The following PTPN9 variants were observed in gnomAD, a reference collection of about 807,000 sequenced individuals.
PTPN9 encodes the protein tyrosine-protein phosphatase non-receptor type 9.
PTPN9 carries 26 observed loss-of-function variants against 69.8 expected under a neutral mutation model. The ratio of observed to expected loss-of-function variants is 0.37; its 90% CI spans 0.27 to 0.52. The LOEUF (loss-of-function observed/expected upper bound fraction) is 0.52, where lower values mean the gene tolerates loss of function less well. Ranked by LOEUF, PTPN9 falls within the 20% of genes least tolerant of loss-of-function variation. The probability of loss-of-function intolerance (pLI) is 0.91; values close to 1 mark genes in which losing one functional copy is unlikely to be tolerated. For synonymous variants in PTPN9, 274 were observed against 272.5 expected (o/e 1.01, Z -0.05); for missense variants, 549 against 740.3 (o/e 0.74, Z 3.00).
At chr15:75,520,688 G>C (rs1196427363) in intron 4 of PTPN9, among the ~76,000 whole-genome samples, 4 of 151,802 alleles carry the variant, frequency 2.6e-5, no homozygotes, top group Admixed American at 1.3e-4. Flanking sequence ...CTAATTTTTT[G>C]TATTTTTACT....
intron 10 of PTPN9, among the ~76,000 whole-genome samples, chr15:75,471,316 A>G (rs138188903): frequency 6.8e-4 from 103 of 152,270 alleles, no homozygotes; most frequent in Non-Finnish European, 1.2e-3. Flanking sequence ...AAAATATGAA[A>G]ATATGATAGG....
intron 1 of PTPN9, among the ~76,000 whole-genome samples, chr15:75,530,424 T>TA: frequency 9.4e-6 from 1 of 106,422 alleles, no homozygotes; most frequent in Admixed American, 1.6e-4. Flanking sequence ...TTATATATTA[T>TA]ATTATAATAT....
At chr15:75,552,393 G>A (rs1025628861) in intron 1 of PTPN9, among the ~76,000 whole-genome samples, 3 of 152,214 alleles carry the variant, frequency 2.0e-5, no homozygotes, top group South Asian at 2.1e-4. Flanking sequence ...GGCAACAAGA[G>A]GGAAACTCCG....
At chr15:75,501,603 C>T (rs764611506) in intron 7 of PTPN9, among the ~76,000 whole-genome samples, 12 of 152,098 alleles carry the variant, frequency 7.9e-5, no homozygotes, top group Non-Finnish European at 1.2e-4. Flanking sequence ...AGGAGTGTGC[C>T]ACCATGCCTG....
chr15:75,511,617 A>AT (rs562925306), intron 5 of PTPN9, among the ~76,000 whole-genome samples: 21 of 151,960 alleles, frequency 1.4e-4, no homozygotes, highest in Non-Finnish European at 3.1e-4. Context: ...GGAATCTGAC[A>AT]TTTTTTTCTA....
intron 5 of PTPN9, among the ~76,000 whole-genome samples, chr15:75,511,507 G>T (rs924282861): frequency 1.1e-4 from 16 of 152,186 alleles, no homozygotes; most frequent in Admixed American, 8.5e-4. Context: ...TGGCCTCCCA[G>T]TGTTGGGATT....
chr15:75,472,320 G>A (rs925030500), intron 10 of PTPN9, among the ~76,000 whole-genome samples: 10 of 151,578 alleles, frequency 6.6e-5, no homozygotes, highest in African/African-American at 9.7e-5. Flanking sequence ...TTAGCCGGGC[G>A]AGGTGGCGGG....
chr15:75,567,127 T>C (rs2075130016), intron 1 of PTPN9, among the ~76,000 whole-genome samples: 1 of 151,972 alleles, frequency 6.6e-6, no homozygotes, highest in Non-Finnish European at 1.5e-5. Context: ...GTGATTCTCC[T>C]GCCTCAACCT....
At chr15:75,528,695 ATTTTTT>A (rs770826556) in intron 1 of PTPN9, among the ~76,000 whole-genome samples, 5 of 125,440 alleles carry the variant, frequency 4.0e-5, no homozygotes, top group African/African-American at 1.2e-4. Flanking sequence ...CCCTCAGCAC[ATTTTTT>A]TTTTTTTTTT....
chr15:75,520,464 AGATAGATAGATAGATAGATG>A lies in PTPN9; in HGVS notation c.422+2637_422+2656del, dbSNP rs1484961044. Among the ~76,000 whole-genome samples the A allele has an allele frequency of 1.7e-3, 241 of 139,564 alleles. 3 individuals are homozygous for A. The South Asian group carries it at 0.03, about 17-fold the overall frequency. The allele number at this position is 139,564 out of a possible 152,430, so 91.6% of individuals were successfully genotyped here. A position where few individuals can be genotyped will look rare whatever the true frequency, so the allele number is the denominator to read the frequency against. On this transcript the variant is annotated intron_variant, in intron 4 of 12. Transcript: ENST00000618819. ...TAGATAGATAGATAGATAGATAGAT[AGATAGATAGATAGATAGATG>A]TGTGTGTGTTTATATATGTGTGTAT...
At chr15:75,492,103 G>C (rs917788650) in intron 7 of PTPN9, among the ~76,000 whole-genome samples, 7 of 152,010 alleles carry the variant, frequency 4.6e-5, no homozygotes, top group Non-Finnish European at 8.8e-5. Flanking sequence ...AAACTCCTGG[G>C]CTCAAGCAAT....
chr15:75,524,981 T>C (rs1223463486), intron 2 of PTPN9, among the ~76,000 whole-genome samples: 1 of 151,920 alleles, frequency 6.6e-6, no homozygotes, highest in African/African-American at 2.4e-5. Flanking sequence ...ACCAGTATGT[T>C]ACATTCAGGT....
chr15:75,561,645 C>T (rs1302772234), intron 1 of PTPN9, among the ~76,000 whole-genome samples: 6 of 152,104 alleles, frequency 3.9e-5, no homozygotes, highest in East Asian at 1.9e-4. Flanking sequence ...CTCAAGTGAT[C>T]TTCCCACATC....
intron 1 of PTPN9, among the ~76,000 whole-genome samples, chr15:75,565,502 G>A (rs529057986): frequency 6.6e-6 from 1 of 152,064 alleles, no homozygotes; most frequent in Non-Finnish European, 1.5e-5. Context: ...AGGATGTTTA[G>A]CAGCATTCCT....
chr15:75,522,553 G>T (rs942271730), intron 4 of PTPN9, among the ~76,000 whole-genome samples: 1 of 151,810 alleles, frequency 6.6e-6, no homozygotes, highest in Non-Finnish European at 1.5e-5. Context: ...AAAGGTGCAC[G>T]CTACCACACC....
rs1328177906 is a variant in PTPN9 at position 75,549,401 on chromosome 15, A to G, written c.64-22140T>C. 2.0e-5 allele frequency among the ~76,000 whole-genome samples: 3 copies of G among 152,014 alleles called. No individual in the cohort carries two copies. In the East Asian group the frequency reaches 5.8e-4, roughly 29 times the overall value. Reference sequence around the variant, plus strand: ...TTTTTTGTAGAGACGAGGTTTCACCATGTTGCCCAAGCTGGTCTCTTAACT... The same window carrying G: ...TTTTTTGTAGAGACGAGGTTTCACCGTGTTGCCCAAGCTGGTCTCTTAACT... On this transcript the variant is annotated intron_variant, in intron 1 of 12. Coordinates refer to ENST00000618819, the MANE Select transcript of PTPN9 (RefSeq NM_002833.4).
In PTPN9 at chr15:75,468,764, G is replaced by A. The variant is rs762585858; in HGVS notation, c.*5C>T. The A allele has an allele frequency of 2.5e-6, 4 of 1,612,888 alleles. No individual in the cohort carries two copies. The Admixed American group carries it at 6.7e-5, about 27-fold the overall frequency. On this transcript the variant is annotated 3_prime_UTR_variant, in exon 13 of 13. Transcript: ENST00000618819. ...TGGCCAACAGGTAGGAGGTTCGTAG[G>A]AGAGTTACTGACTCTCCACGGCCAG...
Position 75,547,667 on chromosome 15 carries a change from TC to T in PTPN9, c.64-20407del, listed in dbSNP as rs1338397475. Among the ~76,000 whole-genome samples, 4 of 133,454 alleles carry T rather than the reference TC, an allele frequency of 3.0e-5. No homozygotes were observed. The East Asian group carries it at 8.8e-4, about 29-fold the overall frequency. The allele number at this position is 133,454 out of a possible 152,430, so 87.6% of individuals were successfully genotyped here. A position where few individuals can be genotyped will look rare whatever the true frequency, so the allele number is the denominator to read the frequency against. On this transcript the variant is annotated intron_variant, in intron 1 of 12. Coordinates refer to ENST00000618819, the MANE Select transcript of PTPN9 (RefSeq NM_002833.4). ...AGCTAATATTTACTGGATATAGGGTTCTTTTTTTTTTTTTTTGAGACGAAGC... is the reference window on the plus strand; with the variant it reads ...AGCTAATATTTACTGGATATAGGGTTTTTTTTTTTTTTTTTGAGACGAAGC...
At position 75,575,248 on chromosome 15, in the gene PTPN9, C is replaced by A. The variant is rs2075166654; in HGVS notation, c.63+3466G>T. 1.7e-3 allele frequency among the ~76,000 whole-genome samples: 46 copies of A among 27,280 alleles called. 15 individuals are homozygous for A. The highest frequency in any genetic ancestry group is 0.01 in the African/African-American group (18 of 1,764). The allele number at this position is 27,280 out of a possible 152,430, so 17.9% of individuals were successfully genotyped here. A position where few individuals can be genotyped will look rare whatever the true frequency, so the allele number is the denominator to read the frequency against. ...TCTGCCTCCCAAAGTGCTGGGATTACAGGCGTGAGCCACCGCGCCCGGCCG... is the reference window on the plus strand; with the variant it reads ...TCTGCCTCCCAAAGTGCTGGGATTAAAGGCGTGAGCCACCGCGCCCGGCCG... On this transcript the variant is annotated intron_variant, in intron 1 of 12. Coordinates refer to ENST00000618819, the MANE Select transcript of PTPN9 (RefSeq NM_002833.4).
Sources: allele counts gnomAD v4.1 joint callset (sites outside exome capture counted in the v4.1 genomes callset), GRCh38; gene constraint gnomAD v4.1.1; transcripts MANE v1.5; gene names NCBI Gene and HGNC (gene_info 2026-07-23, HGNC 2026-07-21).